ACAP3: variants seen among roughly 807,000 people sequenced by gnomAD.
ACAP3 encodes the protein ArfGAP with coiled-coil, ankyrin repeat and PH domains 3.
In ACAP3, 56 loss-of-function variants were observed where a neutral mutation model predicts 104.1. The observed-to-expected ratio is 0.54, with a 90% CI of 0.43 to 0.67. ACAP3 has a LOEUF of 0.67. ACAP3 is among the 30% of genes least tolerant of loss of function. The pLI, the probability that ACAP3 is intolerant of heterozygous loss-of-function variation, is 0.00. For missense variants in ACAP3, 1,208 were observed against 1,174.9 expected (o/e 1.03, Z -0.41); for synonymous variants, 628 against 496.2 (o/e 1.27, Z -3.53).
At chr1:1,307,512 G>T (rs1004482448) in intron 1 of ACAP3, 3 of 1,195,842 alleles carry the variant, frequency 2.5e-6, no homozygotes, top group Middle Eastern at 3.4e-4. Flanking sequence ...GAGCGGGGGC[G>T]GACGGTCCCG....
chr1:1,307,722 G>T, intron 1 of ACAP3, 47 bp downstream of exon 1: 1 of 1,085,060 alleles, frequency 9.2e-7, no homozygotes, highest in Non-Finnish European at 1.1e-6. Context: ...AAAGGCGACA[G>T]CGACGCCCCC....
chr1:1,294,039 C>G (rs886190795), intron 22 of ACAP3, 51 bp downstream of exon 22: 4 of 1,496,354 alleles, frequency 2.7e-6, no homozygotes, highest in African/African-American at 2.9e-5. Context: ...GTAGCCGGGC[C>G]GGGGTAGGCG....
intron 1 of ACAP3, among the ~76,000 whole-genome samples, 192 bp downstream of exon 1, chr1:1,307,577 C>A (rs1641794040): frequency 6.6e-6 from 1 of 152,186 alleles, no homozygotes. Context: ...CCGCACAGGG[C>A]AGGAGCGTCT....
intron 12 of ACAP3, 111 bp from the exon 13 acceptor site, chr1:1,298,224 C>A: frequency 6.4e-7 from 1 of 1,573,246 alleles, no homozygotes. Context: ...CCCCAAGCCC[C>A]GTGTCCAGCT....
At position 1,295,767 on chromosome 1, in the gene ACAP3, G is replaced by A. The variant is rs147071154; in HGVS notation, c.1674C>T (p.Pro558=). The change falls in exon 18 of 24, where the codon CCC becomes CCT. Residue 558 remains proline (P), a synonymous_variant. Transcript: ENST00000354700. ...ACAGAGCGGCCACACAGGGCAGAACGGGCTCAAGCCGGACCTTGCGGCGGG... is the reference window on the plus strand; with the variant it reads ...ACAGAGCGGCCACACAGGGCAGAACAGGCTCAAGCCGGACCTTGCGGCGGG... ...PTARRKVRLE[P]VLPCVAALSS... 314 of 1,607,402 alleles carry A rather than the reference G, an allele frequency of 2.0e-4. No individual in the cohort carries two copies. The African/African-American group carries it at 3.3e-3, about 17-fold the overall frequency.
rs371663640 is a variant in ACAP3 at position 1,302,016 on chromosome 1, G to A, written c.310C>T (p.Arg104Trp). 1.5e-5 allele frequency: 24 copies of A among 1,570,908 alleles called. No individual in the cohort carries two copies. Among genetic ancestry groups the A allele is most frequent in the Non-Finnish European group, 2.0e-5 (23 of 1,156,200 alleles). ...TTGACAAAGCTCTGGAGCTGCTGCC[G>A]CACGGACCTCTGGGCCTGGTCAAAC... Reference protein sequence around the residue: ...ILFDQAQRSVRQQLQSFVKED... With the variant: ...ILFDQAQRSVWQQLQSFVKED... Residue 104 changes from arginine (R) to tryptophan (W), a missense_variant, in exon 5 of 24, where the codon CGG (arginine) becomes TGG (tryptophan). Arg to Trp is a moderately radical substitution (Grantham distance 101). Coordinates refer to ENST00000354700, the MANE Select transcript of ACAP3 (RefSeq NM_030649.3).
Position 1,303,817 on chromosome 1 carries a change from G to T in ACAP3, c.105+269C>A. ...CTGTCCCCGTGTCACCAGCCCAGCA[G>T]AGGGGACGGGCAGCCACCGTGGGTC... On this transcript the variant is annotated intron_variant, in intron 2 of 23. Transcript: ENST00000354700. This position sits in a 1 kb window ranked among gnomAD's most constrained non-coding sequence, Gnocchi z 4.0. 1 of 554,878 alleles carries T rather than the reference G, an allele frequency of 1.8e-6. No homozygotes were observed. The highest frequency in any genetic ancestry group is 3.2e-6 in the Non-Finnish European group (1 of 310,536). The allele number at this position is 554,878 out of a possible 1,614,324, so 34.4% of individuals were successfully genotyped here.
At position 1,302,958 on chromosome 1, in the gene ACAP3, G is replaced by T. The variant is rs553277620; in HGVS notation, c.243C>A (p.Phe81Leu). ...DTVISECLQR[F>L]ADSLQEVVNY... ...TCACCACCTCCTGTAGGCTGTCAGC[G>T]AACCTCTGCAGACATTCCTGGAGGA... The change falls in exon 4 of 24, where the codon TTC becomes TTA. Residue 81 changes from phenylalanine to leucine, a missense_variant. By Grantham distance (22) the Phe-to-Leu change is conservative. Transcript: ENST00000354700. 1.2e-6 allele frequency: 2 copies of T among 1,611,392 alleles called. No individual in the cohort carries two copies. Among genetic ancestry groups the T allele is most frequent in the Non-Finnish European group, 1.7e-6 (2 of 1,179,290 alleles).
intron 9 of ACAP3, 116 bp downstream of exon 9, chr1:1,299,715 A>C (rs1448860881): frequency 2.5e-6 from 3 of 1,218,982 alleles, no homozygotes. Context: ...GGGTGTGGGC[A>C]GGGCAGGTGG....
In ACAP3 at chr1:1,299,410, G is replaced by GCCAACTCCTGGTGACTGGTGGACCCGTCC. The variant is rs1477245360; in HGVS notation, c.739-83_739-55dup. On this transcript the variant is annotated intron_variant, in intron 9 of 23. Transcript: ENST00000354700. ...GGGAGAAAGCCAGTGAGTGACGGCT[G>GCCAACTCCTGGTGACTGGTGGACCCGTCC]CCAACTCCTGGTGACTGGTGGACCC... The GCCAACTCCTGGTGACTGGTGGACCCGTCC allele has an allele frequency of 1.1e-5, 17 of 1,486,572 alleles. No individual in the cohort carries two copies. The African/African-American group carries it at 1.3e-4, about 11-fold the overall frequency. 92.1% of individuals were successfully genotyped at this position (1,486,572 alleles called of 1,614,324 possible).
intron 1 of ACAP3, among the ~76,000 whole-genome samples, chr1:1,306,900 T>C (rs542974049): frequency 1.3e-5 from 2 of 152,292 alleles, no homozygotes; most frequent in South Asian, 4.1e-4. Context: ...CACGCTTGCG[T>C]GCACTCATCG....
At chr1:1,294,066 C>T (rs746851256) in intron 22 of ACAP3, 24 bp downstream of exon 22, 13 of 1,542,832 alleles carry the variant, frequency 8.4e-6, no homozygotes, top group African/African-American at 2.8e-5. Flanking sequence ...GGGCACAGGG[C>T]GGGGCGTGGG....
chr1:1,297,068 C>T lies in ACAP3; in HGVS notation c.1129-435G>A, dbSNP rs1337559921. Among the ~76,000 whole-genome samples, 3 of 152,364 alleles carry T rather than the reference C, an allele frequency of 2.0e-5. No individual in the cohort carries two copies. The East Asian group carries it at 5.8e-4, about 29-fold the overall frequency. On this transcript the variant is annotated intron_variant, in intron 14 of 23. Transcript: ENST00000354700. The stretch of plus-strand genomic sequence containing the variant: ...TGCAGGAGCCACACACAGGCGTGTG[C>T]ACGTGTGTGGGGCAGGGGCCATCCC...
rs1264348439 is a variant in ACAP3 at position 1,300,064 on chromosome 1, A to T, written c.572T>A (p.Leu191Gln). ...GCTGGACTGGGCGTGCATGAAGGAC[A>T]GCATCTGCGGGGGCAGCACAGGTGA... is the stretch of plus-strand genomic sequence containing the variant. ...KKKFEILDSM[L>Q]SFMHAQSSFF... Residue 191 changes from leucine (L) to glutamine (Q), a missense_variant, in exon 8 of 24, where the codon CTG becomes CAG. Coordinates refer to ENST00000354700, the MANE Select transcript of ACAP3 (RefSeq NM_030649.3). The T allele has an allele frequency of 1.2e-6, 2 of 1,612,218 alleles. No homozygotes were observed. Among genetic ancestry groups the T allele is most frequent in the Non-Finnish European group, 1.7e-6 (2 of 1,179,718 alleles).
chr1:1,305,992 G>A (rs1641675856), intron 1 of ACAP3: 1 of 152,258 alleles, frequency 6.6e-6, no homozygotes, highest in African/African-American at 2.4e-5. Context: ...GGAAACTCAA[G>A]TTACGCCCTT....
chr1:1,296,104 C>G lies in ACAP3; in HGVS notation c.1413G>C (p.Met471Ile), dbSNP rs1641131568. ...DSWEPELLKL[M>I]CELGNSAVNQ... is the part of the protein sequence containing the mutation. ...TCACAGCGCTGTTTCCAAGCTCACACATCAGCTAGCGGGAGACAGGGCGAG... is the reference window on the plus strand; with the variant it reads ...TCACAGCGCTGTTTCCAAGCTCACAGATCAGCTAGCGGGAGACAGGGCGAG... The change falls in exon 17 of 24, where the codon ATG becomes ATC. Residue 471 changes from methionine to isoleucine, a missense_variant. Met to Ile is a conservative substitution (Grantham distance 10). Coordinates refer to ENST00000354700, the MANE Select transcript of ACAP3 (RefSeq NM_030649.3). 6.2e-7 allele frequency: 1 copy of G among 1,612,650 alleles called. No homozygotes were observed. Among genetic ancestry groups the G allele is most frequent in the African/African-American group, 1.3e-5 (1 of 74,932 alleles).
rs1570655105 is a variant in ACAP3, at chr1:1,301,796, CCCACACATGCAGGGTGTGGAA to C, written c.338+171_338+191del. The C allele has an allele frequency of 6.2e-5, 28 of 451,206 alleles. No homozygotes were observed. In the East Asian group the frequency reaches 1.0e-3, roughly 16 times the overall value. The allele number at this position is 451,206 out of a possible 1,614,324, so 28.0% of individuals were successfully genotyped here. ...TCTGCTGTGGGGGCTGGACACCCCA[CCCACACATGCAGGGTGTGGAA>C]CCCCCCGCACTCCACCCGGCTGTCT... On this transcript the variant is annotated intron_variant, in intron 5 of 23. Transcript: ENST00000354700.
rs1038498552 is a variant in ACAP3 at position 1,294,164 on chromosome 1, G to A, written c.2175C>T (p.Asn725=). The A allele has an allele frequency of 1.1e-5, 17 of 1,597,288 alleles. No homozygotes were observed. The highest frequency in any genetic ancestry group is 2.3e-5 in the East Asian group (1 of 44,272). The change falls in exon 22 of 24, where the codon AAC becomes AAT. Residue 725 remains asparagine (N), a synonymous_variant. Transcript: ENST00000354700. Reference sequence around the variant, plus strand: ...TGTCTCTTTGGTTCACGTCCGCTCCGTTTTGCAGCAGGAACTCACAGACGA... The same window carrying A: ...TGTCTCTTTGGTTCACGTCCGCTCCATTTTGCAGCAGGAACTCACAGACGA... ...SLIVCEFLLQ[N]GADVNQRDSR...
rs561196018 is a variant in ACAP3 at position 1,303,433 on chromosome 1, C to T, written c.106-152G>A. On this transcript the variant is annotated intron_variant, in intron 2 of 23. Coordinates refer to ENST00000354700, the MANE Select transcript of ACAP3 (RefSeq NM_030649.3). The surrounding 1 kb of genome is among the most constrained non-coding windows in gnomAD (Gnocchi z 4.0). ...TCAGTGCCCCGGTGCAGCTTCCTCA[C>T]GCCTGGGCCTGCCTGGGGCTTGGAG... The T allele has an allele frequency of 1.5e-4, 127 of 862,548 alleles. No individual in the cohort carries two copies. The highest frequency in any genetic ancestry group is 9.1e-4 in the Admixed American group (28 of 30,772). The allele number at this position is 862,548 out of a possible 1,614,324, so 53.4% of individuals were successfully genotyped here. A position where few individuals can be genotyped will look rare whatever the true frequency, so the allele number is the denominator to read the frequency against.
Sources: allele counts gnomAD v4.1 joint callset (sites outside exome capture counted in the v4.1 genomes callset), GRCh38; gene constraint gnomAD v4.1.1; non-coding constraint Gnocchi (gnomAD v3.1); transcripts MANE v1.5; gene names NCBI Gene and HGNC (gene_info 2026-07-23, HGNC 2026-07-21).